SMC4: variants seen among roughly 807,000 people sequenced by gnomAD.
The protein encoded by SMC4 is structural maintenance of chromosomes protein 4.
SMC4 carries 87 observed loss-of-function variants against 145.6 expected under a neutral mutation model. That is an observed-to-expected ratio of 0.60 (90% confidence interval 0.50 to 0.71). SMC4 has a LOEUF of 0.71. Ranked by LOEUF, SMC4 falls within the 30% of genes least tolerant of loss-of-function variation. The probability of loss-of-function intolerance (pLI) is 0.00; values close to 1 mark genes in which losing one functional copy is unlikely to be tolerated. For missense variants in SMC4, 1,447 were observed against 1,537.1 expected (o/e 0.94, Z 0.98); for synonymous variants, 558 against 500.7 (o/e 1.11, Z -1.53).
At chr3:160,425,143 A>G (rs1440015034) in intron 16 of SMC4, 124 bp downstream of exon 16, 29 of 1,334,376 alleles carry the variant, frequency 2.2e-5, no homozygotes, top group East Asian at 1.8e-4. Flanking sequence ...GGGAGGATCT[A>G]TAGGCAGATA....
intron 12 of SMC4, 133 bp from the exon 13 acceptor site, chr3:160,420,607 G>A (rs1164787857): frequency 5.1e-6 from 4 of 786,686 alleles, no homozygotes; most frequent in Non-Finnish European, 6.0e-6. Flanking sequence ...ATTTTGTTGT[G>A]TACCCTTTTG....
chr3:160,434,571 G>A lies in SMC4; in HGVS notation c.*762G>A, dbSNP rs1053169407. 6.6e-6 allele frequency: 1 copy of A among 152,186 alleles called. No homozygotes were observed. The highest frequency in any genetic ancestry group is 2.4e-5 in the African/African-American group (1 of 41,412). The allele number at this position is 152,186 out of a possible 1,614,324, so 9.4% of individuals were successfully genotyped here. On this transcript the variant is annotated 3_prime_UTR_variant, in exon 24 of 24. Coordinates refer to ENST00000357388, the MANE Select transcript of SMC4 (RefSeq NM_001002800.3). ...CTTATGATAGGTTTACCAGGATGTAGTCCCACTGTTGAGGAGCATCTATTT... is the reference window on the plus strand; with the variant it reads ...CTTATGATAGGTTTACCAGGATGTAATCCCACTGTTGAGGAGCATCTATTT...
rs772708722 is a variant in SMC4 at position 160,411,982 on chromosome 3, G to A, written c.750G>A (p.Met250Ile). 1 of 1,613,622 alleles carries A rather than the reference G, an allele frequency of 6.2e-7. No individual in the cohort carries two copies. The highest frequency in any genetic ancestry group is 8.5e-7 in the Non-Finnish European group (1 of 1,179,752). ...PKGQTEHDEG[M>I]LEYLEDIIGC... ...GCCAGACTGAACACGATGAGGGTAT[G>A]CTTGAATATTTAGAAGATATAATTG... The change falls in exon 6 of 24, where the codon ATG becomes ATA. Residue 250 changes from methionine to isoleucine, a missense_variant. Physicochemically the swap from Met to Ile is conservative, Grantham distance 10. Transcript: ENST00000357388.
chr3:160,434,448 T>A lies in SMC4; in HGVS notation c.*639T>A, dbSNP rs918694565. On this transcript the variant is annotated 3_prime_UTR_variant, in exon 24 of 24. Coordinates refer to ENST00000357388, the MANE Select transcript of SMC4 (RefSeq NM_001002800.3). Reference sequence around the variant, plus strand: ...CTATAGTTGCTTCATGAGTATGAAGTAAGATGGCCTCTGATTTACACTGGT... The same window carrying A: ...CTATAGTTGCTTCATGAGTATGAAGAAAGATGGCCTCTGATTTACACTGGT... 6.6e-6 allele frequency: 1 copy of A among 152,218 alleles called. No homozygotes were observed. Among genetic ancestry groups the A allele is most frequent in the African/African-American group, 2.4e-5 (1 of 41,454 alleles). 9.4% of individuals were successfully genotyped at this position (152,218 alleles called of 1,614,324 possible).
chr3:160,430,589 GC>G lies in SMC4; in HGVS notation c.2796-9del, dbSNP rs1478437606. 6.5e-7 allele frequency: 1 copy of G among 1,548,320 alleles called. No individual in the cohort carries two copies. The highest frequency in any genetic ancestry group is 1.4e-5 in the African/African-American group (1 of 71,828). ...TACCACATTTTTGATGCATCATTTT[GC>G]TTCTTTAGAAACCTTCAAAAGGCAC... On this transcript the variant is annotated splice_polypyrimidine_tract_variant and intron_variant, in intron 18 of 23. Transcript: ENST00000357388.
chr3:160,400,743 A>G (rs1714499090), intron 1 of SMC4, 79 bp from the exon 2 acceptor site: 1 of 1,393,440 alleles, frequency 7.2e-7, no homozygotes, highest in Non-Finnish European at 9.3e-7. Context: ...AAGCCGGTGG[A>G]CCGAGATTTC....
At chr3:160,420,353 C>T (rs1253329187) in intron 12 of SMC4, among the ~76,000 whole-genome samples, 3 of 152,170 alleles carry the variant, frequency 2.0e-5, no homozygotes, top group Non-Finnish European at 4.4e-5. Flanking sequence ...TTCATTTGCT[C>T]TCAAAGAAAG....
At position 160,401,890 on chromosome 3, in the gene SMC4, TTTTCC is replaced by T; in HGVS notation, c.140-15_140-11del. ...GCTTTTCCCCCGCCGTTTGCCTTCG[TTTTCC>T]TTTCCTTTCACTGACTTAGAGACTG... On this transcript the variant is annotated intron_variant, in intron 2 of 23. Transcript: ENST00000357388. 1 of 1,558,488 alleles carries T rather than the reference TTTTCC, an allele frequency of 6.4e-7. No homozygotes were observed. The highest frequency in any genetic ancestry group is 8.6e-7 in the Non-Finnish European group (1 of 1,157,846).
intron 5 of SMC4, 40 bp from the exon 6 acceptor site, chr3:160,411,880 A>C (rs1438735162): frequency 6.4e-7 from 1 of 1,556,114 alleles, no homozygotes; most frequent in Non-Finnish European, 8.8e-7. Context: ...GATTTAGCTA[A>C]ACATACACAG....
intron 2 of SMC4, 63 bp downstream of exon 2, chr3:160,401,028 A>G (rs932634370): frequency 4.9e-5 from 67 of 1,357,394 alleles, no homozygotes; most frequent in Non-Finnish European, 6.0e-5. Flanking sequence ...AAACGCGCCC[A>G]GCCCGAGGCT....
At chr3:160,417,072 T>A (rs959962428) in intron 10 of SMC4, among the ~76,000 whole-genome samples, 3 of 152,188 alleles carry the variant, frequency 2.0e-5, no homozygotes, top group African/African-American at 7.2e-5. Context: ...CATAAAATTA[T>A]CTTTGTTTGT....
intron 9 of SMC4, among the ~76,000 whole-genome samples, chr3:160,414,947 G>C (rs1157615077): frequency 6.6e-6 from 1 of 152,120 alleles, no homozygotes; most frequent in Middle Eastern, 3.2e-3. Context: ...CCATTTTGGT[G>C]TTAATTTTAA....
rs547252808 is a variant in SMC4, at chr3:160,426,566, CAAA to C, written c.2605+367_2605+369del. Among the ~76,000 whole-genome samples, 7 of 152,118 alleles carry C rather than the reference CAAA, an allele frequency of 4.6e-5. No homozygotes were observed. The South Asian group carries it at 1.5e-3, about 32-fold the overall frequency. ...ACACAGGGAATAAGTGGTATGCAAT[CAAA>C]GAAAAACAATGTGTACTTGAAAACT... is the stretch of plus-strand genomic sequence containing the variant. On this transcript the variant is annotated intron_variant, in intron 17 of 23. Transcript: ENST00000357388.
chr3:160,419,310 A>G (rs1322268361), intron 11 of SMC4, 48 bp from the exon 12 acceptor site: 2 of 1,258,792 alleles, frequency 1.6e-6, no homozygotes, highest in East Asian at 4.7e-5. Flanking sequence ...ATGACTGGTC[A>G]TATTTAGAAG....
intron 1 of SMC4, 38 bp from the exon 2 acceptor site, chr3:160,400,784 C>A (rs879341816): frequency 2.1e-6 from 3 of 1,460,822 alleles, no homozygotes; most frequent in Non-Finnish European, 2.7e-6. Context: ...TGTAGCGGCC[C>A]GCGGGCTGAC....
intron 2 of SMC4, 55 bp downstream of exon 2, chr3:160,401,020 ACG>A: frequency 7.3e-7 from 1 of 1,360,800 alleles, no homozygotes; most frequent in South Asian, 1.8e-5. Context: ...TGGCAGGCAA[ACG>A]CGCCCAGCCC....
chr3:160,425,610 AT>A (rs1195622313), intron 16 of SMC4, among the ~76,000 whole-genome samples: 2 of 151,916 alleles, frequency 1.3e-5, no homozygotes, highest in African/African-American at 2.4e-5. Context: ...AATTTGACAA[AT>A]TTTTTTTGTA....
chr3:160,426,181 C>T lies in SMC4; in HGVS notation c.2586C>T (p.Asn862=), dbSNP rs754349668. The stretch of plus-strand genomic sequence containing the variant: ...AAAAGCAGAAATTGCTAGAAGAAAA[C>T]GTTAGTGCTTTCAAAACAGGTATGT... ...DKKKQKLLEE[N]VSAFKTEYDA... is the part of the protein sequence containing the mutation. The change falls in exon 17 of 24, where the codon AAC becomes AAT. Residue 862 remains asparagine, a synonymous_variant. Transcript: ENST00000357388. 1.1e-5 allele frequency: 17 copies of T among 1,606,896 alleles called. No individual in the cohort carries two copies. The highest frequency in any genetic ancestry group is 3.4e-5 in the Admixed American group (2 of 58,794).
intron 16 of SMC4, 107 bp downstream of exon 16, chr3:160,425,126 TAAGG>T: frequency 7.1e-7 from 1 of 1,411,104 alleles, no homozygotes; most frequent in South Asian, 1.5e-5. Flanking sequence ...ATTAAATATA[TAAGG>T]GAGGGAGGAT....
Sources: allele counts gnomAD v4.1 joint callset (sites outside exome capture counted in the v4.1 genomes callset), GRCh38; gene constraint gnomAD v4.1.1; transcripts MANE v1.5; gene names NCBI Gene and HGNC (gene_info 2026-07-23, HGNC 2026-07-21).